The following SMG7 variants were observed in gnomAD, a reference collection of about 807,000 sequenced individuals.
SMG7 encodes the protein nonsense-mediated mRNA decay factor SMG7.
In SMG7, 34 loss-of-function variants were observed where a neutral mutation model predicts 148.2. That is an observed-to-expected ratio of 0.23 (90% CI 0.17 to 0.31). The LOEUF is 0.31. Ranked by LOEUF, SMG7 falls within the 10% of genes least tolerant of loss-of-function variation. The pLI, the probability that SMG7 is intolerant of heterozygous loss-of-function variation, is 1.00. For synonymous variants in SMG7, 492 were observed against 515.1 expected (o/e 0.96, Z 0.61); for missense variants, 1,114 against 1,408.4 (o/e 0.79, Z 3.35).
Position 183,542,462 on chromosome 1 carries a change from A to G in SMG7, c.1802A>G (p.Glu601Gly), listed in dbSNP as rs549736956. Reference sequence around the variant, plus strand: ...ACTGAAACCAAGAAATGCACCTTAGAAAAGTTACAGGAAACAGGAAAGCAG... The same window carrying G: ...ACTGAAACCAAGAAATGCACCTTAGGAAAGTTACAGGAAACAGGAAAGCAG... ...RKTETKKCTL[E>G]KLQETGKQNV... Residue 601 changes from glutamate (E) to glycine (G), a missense_variant, in exon 14 of 23, where the codon GAA (glutamate) becomes GGA (glycine). Glu to Gly is a moderately conservative substitution (Grantham distance 98). Transcript: ENST00000688051. 1.2e-6 allele frequency: 2 copies of G among 1,613,904 alleles called. No homozygotes were observed. The highest frequency in any genetic ancestry group is 1.7e-4 in the Middle Eastern group (1 of 6,060).
intron 7 of SMG7, 137 bp downstream of exon 7, chr1:183,529,179 G>T: frequency 2.0e-6 from 2 of 978,666 alleles, no homozygotes; most frequent in Non-Finnish European, 3.0e-6. Context: ...TTCATAATTT[G>T]TGTATAGTCA....
rs1666107356 is a variant in SMG7, at chr1:183,527,595, A to T, written c.485-361A>T. The T allele has an allele frequency of 2.1e-6, 1 of 473,358 alleles. No individual in the cohort carries two copies. The highest frequency in any genetic ancestry group is 4.4e-6 in the Non-Finnish European group (1 of 228,846). The allele number at this position is 473,358 out of a possible 1,614,324, so 29.3% of individuals were successfully genotyped here. A position where few individuals can be genotyped will look rare whatever the true frequency, so the allele number is the denominator to read the frequency against. ...ATACATAATTTTCAGATCATATTGT[A>T]TAGTGTATTTTGTTTTGTTTTGTTT... On this transcript the variant is annotated intron_variant, in intron 5 of 22. Coordinates refer to ENST00000688051, the MANE Select transcript of SMG7 (RefSeq NM_001375584.1). This position sits in a 1 kb window ranked among gnomAD's most constrained non-coding sequence, Gnocchi z 4.0.
intron 8 of SMG7, among the ~76,000 whole-genome samples, chr1:183,529,833 T>G (rs1469667094): frequency 6.6e-6 from 1 of 152,068 alleles, no homozygotes; most frequent in Non-Finnish European, 1.5e-5. Context: ...CTTTTGATGG[T>G]TTGTGTATTC....
intron 14 of SMG7, 114 bp downstream of exon 14, chr1:183,542,616 A>G: frequency 1.3e-6 from 1 of 764,434 alleles, no homozygotes. Flanking sequence ...TAAATGCATT[A>G]TTTAATTGCA....
chr1:183,482,934 T>A (rs1008713314), intron 1 of SMG7, among the ~76,000 whole-genome samples: 2 of 152,146 alleles, frequency 1.3e-5, no homozygotes, highest in Admixed American at 6.5e-5. Context: ...GAAGGAGAAG[T>A]TCTACAGCAT....
In SMG7 at chr1:183,487,376, C is replaced by T. The variant is rs193237992; in HGVS notation, c.29+14727C>T. ...TTTCACTTAGAAAGATCCTTGTAAT[C>T]ACATTGGACACACCCAGATAATTCA... On this transcript the variant is annotated intron_variant, in intron 1 of 22. Transcript: ENST00000688051. Among the ~76,000 whole-genome samples the T allele has an allele frequency of 7.9e-5, 12 of 152,310 alleles. No individual in the cohort carries two copies. The East Asian group carries it at 1.9e-3, about 24-fold the overall frequency.
chr1:183,523,552 T>G (rs1456865083), intron 4 of SMG7, among the ~76,000 whole-genome samples: 1 of 152,230 alleles, frequency 6.6e-6, no homozygotes, highest in Non-Finnish European at 1.5e-5. Flanking sequence ...TACTACAAAG[T>G]AATGTACATC....
chr1:183,521,858 C>CA (rs35144368), intron 4 of SMG7, among the ~76,000 whole-genome samples: 78,344 of 129,054 alleles, frequency 0.61, 22,442 homozygotes, highest in East Asian at 0.87. Flanking sequence ...GACCTTGTCT[C>CA]AAAAAAAAAA....
chr1:183,551,318 G>T lies in SMG7; in HGVS notation c.3450+128G>T, dbSNP rs1671014278. On this transcript the variant is annotated intron_variant, in intron 22 of 22. Coordinates refer to ENST00000688051, the MANE Select transcript of SMG7 (RefSeq NM_001375584.1). ...TGATACATAGCACATATATAACAAA[G>T]TCCTAGAAACATGGTCTGCCTTACA... 4.8e-6 allele frequency: 4 copies of T among 836,132 alleles called. No homozygotes were observed. The East Asian group carries it at 1.1e-4, about 24-fold the overall frequency. 51.8% of individuals were successfully genotyped at this position (836,132 alleles called of 1,614,324 possible). A position where few individuals can be genotyped will look rare whatever the true frequency, so the allele number is the denominator to read the frequency against.
chr1:183,515,607 T>C (rs1398123964), intron 2 of SMG7, among the ~76,000 whole-genome samples: 1 of 140,464 alleles, frequency 7.1e-6, no homozygotes, highest in East Asian at 2.0e-4. Context: ...AAACCATTCT[T>C]TTTTTTTTTT....
At chr1:183,482,390 A>T (rs556923272) in intron 1 of SMG7, among the ~76,000 whole-genome samples, 1 of 152,164 alleles carries the variant, frequency 6.6e-6, no homozygotes, top group South Asian at 2.1e-4. Context: ...TGAGATATGT[A>T]AAGATTTAGA....
rs1666157067 is a variant in SMG7 at position 183,527,836 on chromosome 1, TA to T, written c.485-118del. 1.5e-6 allele frequency: 1 copy of T among 685,586 alleles called. No homozygotes were observed. Among genetic ancestry groups the T allele is most frequent in the Non-Finnish European group, 2.6e-6 (1 of 390,578 alleles). The allele number at this position is 685,586 out of a possible 1,614,324, so 42.5% of individuals were successfully genotyped here. A position where few individuals can be genotyped will look rare whatever the true frequency, so the allele number is the denominator to read the frequency against. On this transcript the variant is annotated intron_variant, in intron 5 of 22. Coordinates refer to ENST00000688051, the MANE Select transcript of SMG7 (RefSeq NM_001375584.1). The surrounding 1 kb of genome is among the most constrained non-coding windows in gnomAD (Gnocchi z 4.0). ...AATTTGTTTTAAAGTATTTTGTCTT[TA>T]ATTTTAAATTAACTTTAATGTCTTT...
At chr1:183,537,669 T>TC (rs1668038065) in intron 11 of SMG7, among the ~76,000 whole-genome samples, 1 of 152,244 alleles carries the variant, frequency 6.6e-6, no homozygotes, top group African/African-American at 2.4e-5. Flanking sequence ...AGGAAATGAT[T>TC]CATATCAAAT....
At position 183,529,057 on chromosome 1, in the gene SMG7, T is replaced by C. The variant is rs781172312; in HGVS notation, c.707+15T>C. ...GCACTGGAAAGGTAGGGTTGTTTGG[T>C]TTTTTTTTTCTCTTTCCAAGAGGAC... On this transcript the variant is annotated intron_variant, in intron 7 of 22. Transcript: ENST00000688051. 1 of 1,527,264 alleles carries C rather than the reference T, an allele frequency of 6.5e-7. No individual in the cohort carries two copies. The highest frequency in any genetic ancestry group is 1.4e-5 in the African/African-American group (1 of 70,998). The allele number at this position is 1,527,264 out of a possible 1,614,324, so 94.6% of individuals were successfully genotyped here. A position where few individuals can be genotyped will look rare whatever the true frequency, so the allele number is the denominator to read the frequency against.
At chr1:183,514,818 T>C (rs1288511934) in intron 2 of SMG7, among the ~76,000 whole-genome samples, 1 of 152,220 alleles carries the variant, frequency 6.6e-6, no homozygotes, top group Non-Finnish European at 1.5e-5. Flanking sequence ...GAGGAGCTGA[T>C]AGTAAACTCT....
At chr1:183,528,415 A>G (rs183899342) in intron 6 of SMG7, among the ~76,000 whole-genome samples, 65 of 152,236 alleles carry the variant, frequency 4.3e-4, no homozygotes, top group Admixed American at 3.6e-3. Context: ...ATGGCCCCAA[A>G]CTAGGCATTA....
Position 183,542,085 on chromosome 1 carries a change from G to C in SMG7, c.1425G>C (p.Gln475His). Residue 475 changes from glutamine (Q) to histidine (H), a missense_variant, in exon 14 of 23, where the codon CAG (glutamine) becomes CAC (histidine). Transcript: ENST00000688051. ...WIADNQPRLI[Q>H]CENEVGKLLF... ...ATTTTTGCTTTTTTAGGCTGATTCA[G>C]TGTGAAAATGAGGTAGGGAAATTGT... 1 of 1,608,930 alleles carries C rather than the reference G, an allele frequency of 6.2e-7. No individual in the cohort carries two copies. Among genetic ancestry groups the C allele is most frequent in the Non-Finnish European group, 8.5e-7 (1 of 1,176,816 alleles).
chr1:183,533,902 C>G, intron 10 of SMG7, 70 bp downstream of exon 10: 1 of 1,337,474 alleles, frequency 7.5e-7, no homozygotes, highest in South Asian at 1.3e-5. Context: ...TATGTAAAAA[C>G]TGCCTTCTAA....
chr1:183,517,476 T>C, intron 3 of SMG7: 1 of 574,094 alleles, frequency 1.7e-6, no homozygotes, highest in Non-Finnish European at 3.1e-6. Context: ...GAACATTTGG[T>C]AAGTGTTTAC....
Sources: gnomAD v4.1 joint callset for allele counts (sites outside exome capture counted in the v4.1 genomes callset) on GRCh38, gnomAD v4.1.1 for gene constraint, Gnocchi (gnomAD v3.1) non-coding constraint, MANE v1.5 for transcripts, NCBI Gene and HGNC (gene_info 2026-07-23, HGNC 2026-07-21) for gene names.